Variants in VSTM2B observed in about 807,000 individuals in gnomAD.
VSTM2B encodes the protein V-set and transmembrane domain-containing protein 2B.
VSTM2B carries 24 observed loss-of-function variants against 24.0 expected under a neutral mutation model. The ratio of observed to expected loss-of-function variants is 1.00; its 90% CI spans 0.72 to 1.40. The LOEUF is 1.40. Ranked by LOEUF, VSTM2B falls within the 40% of genes most tolerant of loss-of-function variation. VSTM2B has a pLI of 0.00. For synonymous variants in VSTM2B, 226 were observed against 194.4 expected (o/e 1.16, Z -1.35); for missense variants, 399 against 416.4 (o/e 0.96, Z 0.36).
At chr19:29,555,434 A>G (rs762851958) in intron 4 of VSTM2B, among the ~76,000 whole-genome samples, 1 of 152,220 alleles carries the variant, frequency 6.6e-6, no homozygotes, top group Non-Finnish European at 1.5e-5. Context: ...ATAGCACTAA[A>G]TGCCCACATC....
intron 4 of VSTM2B, among the ~76,000 whole-genome samples, chr19:29,531,009 G>A (rs1411623088): frequency 1.3e-5 from 2 of 150,026 alleles, no homozygotes; most frequent in African/African-American, 5.0e-5. Context: ...GATGGGGGGC[G>A]GGATGTGAGA....
chr19:29,540,561 C>G (rs988068705), intron 4 of VSTM2B, among the ~76,000 whole-genome samples: 3 of 152,238 alleles, frequency 2.0e-5, no homozygotes, highest in African/African-American at 4.8e-5. Flanking sequence ...AGTGCCCCAT[C>G]CAGACTGATG....
intron 4 of VSTM2B, among the ~76,000 whole-genome samples, chr19:29,542,223 G>C (rs1386189622): frequency 1.3e-5 from 2 of 151,908 alleles, no homozygotes; most frequent in Non-Finnish European, 2.9e-5. Context: ...TGAATGGATG[G>C]GAGAATGAAT....
chr19:29,549,378 G>T (rs542194147), intron 4 of VSTM2B, among the ~76,000 whole-genome samples: 30 of 151,650 alleles, frequency 2.0e-4, no homozygotes, highest in Middle Eastern at 3.5e-3. Flanking sequence ...TGCCCCAGGG[G>T]AGCTCTAGCA....
rs1969582205 is a variant in VSTM2B at position 29,526,823 on chromosome 19, C to T, written c.82+158C>T. 1.6e-6 allele frequency: 1 copy of T among 630,912 alleles called. No individual in the cohort carries two copies. Among genetic ancestry groups the T allele is most frequent in the Non-Finnish European group, 2.5e-6 (1 of 400,218 alleles). The allele number at this position is 630,912 out of a possible 1,614,324, so 39.1% of individuals were successfully genotyped here. On this transcript the variant is annotated intron_variant, in intron 1 of 4. Coordinates refer to ENST00000335523, the MANE Select transcript of VSTM2B (RefSeq NM_001146339.2). This position sits in a 1 kb window ranked among gnomAD's most constrained non-coding sequence, Gnocchi z 4.1. ...CGGAGGGGTAGGGAGAGGCGAGCGG[C>T]GAAGGGTCGCCGCAGCAGCAGCGCC...
At chr19:29,527,535 C>G (rs1323780723) in intron 2 of VSTM2B, 140 bp downstream of exon 2, 2 of 709,862 alleles carry the variant, frequency 2.8e-6, no homozygotes, top group Non-Finnish European at 4.3e-6. Context: ...CCTTCGCATC[C>G]CAAAGCATCT....
chr19:29,560,781 GA>G (rs992983057), intron 4 of VSTM2B, among the ~76,000 whole-genome samples: 1 of 152,198 alleles, frequency 6.6e-6, no homozygotes. Context: ...GACTAGTTGG[GA>G]GTACTTAGAG....
chr19:29,550,212 T>C lies in VSTM2B; in HGVS notation c.770-13634T>C, dbSNP rs768508441. Reference sequence around the variant, plus strand: ...ACTTTGGGAGGCCAAGGCGGGAGGATCACTTGAGGCCAGGATTTGAAGAGT... The same window carrying C: ...ACTTTGGGAGGCCAAGGCGGGAGGACCACTTGAGGCCAGGATTTGAAGAGT... On this transcript the variant is annotated intron_variant, in intron 4 of 4. Coordinates refer to ENST00000335523, the MANE Select transcript of VSTM2B (RefSeq NM_001146339.2). Among the ~76,000 whole-genome samples the C allele has an allele frequency of 6.8e-4, 103 of 152,206 alleles. 1 individual carries two copies. Among genetic ancestry groups the C allele is most frequent in the Non-Finnish European group, 2.2e-4 (15 of 68,044 alleles).
At position 29,564,046 on chromosome 19, in the gene VSTM2B, T is replaced by C; in HGVS notation, c.*112T>C. 2 of 790,462 alleles carry C rather than the reference T, an allele frequency of 2.5e-6. No individual in the cohort carries two copies. Among genetic ancestry groups the C allele is most frequent in the Non-Finnish European group, 4.1e-6 (2 of 486,104 alleles). The allele number at this position is 790,462 out of a possible 1,614,324, so 49.0% of individuals were successfully genotyped here. A position where few individuals can be genotyped will look rare whatever the true frequency, so the allele number is the denominator to read the frequency against. On this transcript the variant is annotated 3_prime_UTR_variant, in exon 5 of 5. Transcript: ENST00000335523. ...AGAGACTGAGAGACGCATGAAAAAG[T>C]CCACATGGAAAATAAATAAATCATA...
At chr19:29,533,457 T>C (rs1166680575) in intron 4 of VSTM2B, among the ~76,000 whole-genome samples, 1 of 152,150 alleles carries the variant, frequency 6.6e-6, no homozygotes, top group Non-Finnish European at 1.5e-5. Flanking sequence ...CCAGTCTCTC[T>C]CCAAGTCTCC....
intron 4 of VSTM2B, among the ~76,000 whole-genome samples, chr19:29,540,143 G>T (rs1969989437): frequency 6.6e-6 from 1 of 152,238 alleles, no homozygotes; most frequent in Admixed American, 6.5e-5. Flanking sequence ...CCCATGGAAG[G>T]GGGAGCTGAC....
At chr19:29,548,332 T>C (rs1214133308) in intron 4 of VSTM2B, among the ~76,000 whole-genome samples, 1 of 152,102 alleles carries the variant, frequency 6.6e-6, no homozygotes, top group African/African-American at 2.4e-5. Flanking sequence ...CCTGTGCATG[T>C]CTCGTCTGCT....
rs117990835 is a variant in VSTM2B at position 29,532,316 on chromosome 19, G to C, written c.769+2026G>C. 9.2e-3 allele frequency among the ~76,000 whole-genome samples: 1,405 copies of C among 152,266 alleles called. 13 individuals carry two copies. The highest frequency in any genetic ancestry group is 0.014 in the Non-Finnish European group (954 of 68,028). ...GGCCCGCTGGGAAATGTAGTCCTTGGTGTGGCGGCTGCTTTCGGGCCTCAT... is the reference window on the plus strand; with the variant it reads ...GGCCCGCTGGGAAATGTAGTCCTTGCTGTGGCGGCTGCTTTCGGGCCTCAT... On this transcript the variant is annotated intron_variant, in intron 4 of 4. Coordinates refer to ENST00000335523, the MANE Select transcript of VSTM2B (RefSeq NM_001146339.2).
intron 4 of VSTM2B, among the ~76,000 whole-genome samples, chr19:29,539,024 G>A (rs915162072): frequency 1.3e-5 from 2 of 152,146 alleles, no homozygotes; most frequent in Non-Finnish European, 2.9e-5. Context: ...GAGAGTTGCT[G>A]TTTTTGTAAG....
At chr19:29,532,987 C>A (rs906443895) in intron 4 of VSTM2B, among the ~76,000 whole-genome samples, 1 of 152,094 alleles carries the variant, frequency 6.6e-6, no homozygotes, top group Non-Finnish European at 1.5e-5. Flanking sequence ...CAGCCTGAGT[C>A]CCAGGCCCAG....
chr19:29,537,073 T>TTGTA (rs138205029), intron 4 of VSTM2B, among the ~76,000 whole-genome samples: 2,064 of 152,250 alleles, frequency 0.014, 45 homozygotes, highest in African/African-American at 0.047. Context: ...TCTTGTAAAC[T>TTGTA]TGTATCCAGA....
intron 4 of VSTM2B, among the ~76,000 whole-genome samples, chr19:29,554,343 T>A (rs1307297138): frequency 6.6e-6 from 1 of 152,056 alleles, no homozygotes; most frequent in African/African-American, 2.4e-5. Context: ...GAAGAAGAAA[T>A]AAAATCTTTT....
At chr19:29,552,107 G>A (rs1970297075) in intron 4 of VSTM2B, among the ~76,000 whole-genome samples, 1 of 152,212 alleles carries the variant, frequency 6.6e-6, no homozygotes, top group South Asian at 2.1e-4. Context: ...ATTTGGAAAA[G>A]GAGGCAATGC....
intron 4 of VSTM2B, among the ~76,000 whole-genome samples, chr19:29,553,966 G>A (rs931787902): frequency 2.0e-5 from 3 of 152,134 alleles, no homozygotes; most frequent in African/African-American, 7.2e-5. Context: ...CCTGAAAGAG[G>A]TGGGGAGAAC....
Sources: gnomAD v4.1 joint callset for allele counts (sites outside exome capture counted in the v4.1 genomes callset) on GRCh38, gnomAD v4.1.1 for gene constraint, Gnocchi (gnomAD v3.1) non-coding constraint, MANE v1.5 for transcripts, NCBI Gene and HGNC (gene_info 2026-07-23, HGNC 2026-07-21) for gene names.